CDH13: variants seen among roughly 807,000 people sequenced by gnomAD.
CDH13 encodes the protein cadherin 13.
In CDH13, 24 loss-of-function variants were observed where a neutral mutation model predicts 63.8. The ratio of observed to expected loss-of-function variants is 0.38; its 90% confidence interval spans 0.27 to 0.53. The LOEUF (loss-of-function observed/expected upper bound fraction) is 0.53. Ranked by LOEUF, CDH13 falls within the 20% of genes least tolerant of loss-of-function variation. The probability of loss-of-function intolerance (pLI) is 0.85; values close to 1 mark genes in which losing one functional copy is unlikely to be tolerated. For synonymous variants in CDH13, 503 were observed against 355.3 expected, an observed-to-expected ratio of 1.42 and a Z score of -4.67; for missense variants, 1,049 against 903.1, an observed-to-expected ratio of 1.16 and a Z score of -2.07.
intron 3 of CDH13, among the ~76,000 whole-genome samples, chr16:83,098,261 C>A (rs55922145): frequency 0.49 from 74,391 of 152,144 alleles, 18,456 homozygotes; most frequent in East Asian, 0.69. Flanking sequence ...GGTATAAGAA[C>A]CTTACAGTAA....
At chr16:83,247,082 C>T (rs1219677213) in intron 5 of CDH13, among the ~76,000 whole-genome samples, 1 of 152,170 alleles carries the variant, frequency 6.6e-6, no homozygotes, top group Non-Finnish European at 1.5e-5. Context: ...CAAGTACCTA[C>T]CTCTAAACAG....
intron 9 of CDH13, among the ~76,000 whole-genome samples, chr16:83,672,637 C>G (rs1914613058): frequency 6.6e-6 from 1 of 151,974 alleles, no homozygotes; most frequent in East Asian, 1.9e-4. Context: ...GTTGGCCAGG[C>G]TGGTCTTGAA....
intron 2 of CDH13, among the ~76,000 whole-genome samples, chr16:82,894,670 A>G (rs150366026): frequency 6.9e-6 from 1 of 145,650 alleles, no homozygotes; most frequent in Non-Finnish European, 1.5e-5. Context: ...AAACAATAAT[A>G]TAATTCAGGT....
intron 7 of CDH13, among the ~76,000 whole-genome samples, chr16:83,597,763 G>A (rs1296508095): frequency 2.6e-5 from 4 of 152,064 alleles, no homozygotes; most frequent in Non-Finnish European, 5.9e-5. Flanking sequence ...CATTATAGGT[G>A]CAAAGTTTTA....
intron 11 of CDH13, among the ~76,000 whole-genome samples, chr16:83,769,786 G>A (rs146937400): frequency 2.0e-4 from 31 of 152,308 alleles, no homozygotes; most frequent in African/African-American, 7.0e-4. Flanking sequence ...ACTGGGGCAC[G>A]TAGATGACCT....
intron 5 of CDH13, among the ~76,000 whole-genome samples, chr16:83,309,258 G>A (rs2089947477): frequency 1.3e-5 from 2 of 152,274 alleles, no homozygotes; most frequent in East Asian, 3.9e-4. Flanking sequence ...ATTGAATTTG[G>A]GAGTACTGGG....
At chr16:82,825,450 C>G (rs1318645007) in intron 1 of CDH13, 2 of 151,854 alleles carry the variant, frequency 1.3e-5, no homozygotes, top group Non-Finnish European at 2.9e-5. Context: ...CAAAATGAAA[C>G]AAGAACTTCT....
At chr16:82,643,962 C>T (rs1351498574) in intron 1 of CDH13, among the ~76,000 whole-genome samples, 1 of 151,894 alleles carries the variant, frequency 6.6e-6, no homozygotes, top group Non-Finnish European at 1.5e-5. Context: ...GTTGCCCATG[C>T]TGGTCTCGAA....
chr16:82,783,793 A>C (rs1462184564), intron 1 of CDH13, among the ~76,000 whole-genome samples: 1 of 151,274 alleles, frequency 6.6e-6, no homozygotes, highest in Admixed American at 6.6e-5. Flanking sequence ...AAGGACAGAG[A>C]AAGAACAGAG....
rs77139767 is a variant in CDH13 at position 83,122,105 on chromosome 16, C to T, written c.367-3280C>T. 7.6e-3 allele frequency among the ~76,000 whole-genome samples: 1,152 copies of T among 152,234 alleles called. 10 individuals carry two copies. The highest frequency in any genetic ancestry group is 0.021 in the African/African-American group (861 of 41,540). Reference sequence around the variant, plus strand: ...TGCTTGCTTCTGATGATGCAGAAGACAGTTTTAATTAGTATGTGGCATTAA... The same window carrying T: ...TGCTTGCTTCTGATGATGCAGAAGATAGTTTTAATTAGTATGTGGCATTAA... On this transcript the variant is annotated intron_variant, in intron 3 of 13. Transcript: ENST00000567109.
At chr16:83,343,808 T>G (rs1301733942) in intron 5 of CDH13, among the ~76,000 whole-genome samples, 1 of 152,214 alleles carries the variant, frequency 6.6e-6, no homozygotes, top group African/African-American at 2.4e-5. Flanking sequence ...AAATCTGGAC[T>G]CCACCATTTA....
At chr16:83,486,688 G>A (rs759934550) in intron 7 of CDH13, 33 bp downstream of exon 7, 113 of 1,601,130 alleles carry the variant, frequency 7.1e-5, no homozygotes, top group Admixed American at 8.3e-5. Context: ...TCTTTTTCAC[G>A]AGAATAGAAT....
In CDH13 at chr16:82,870,877, C is replaced by G. The variant is rs141021023; in HGVS notation, c.157+12404C>G. Among the ~76,000 whole-genome samples the G allele has an allele frequency of 6.4e-4, 97 of 152,302 alleles. 1 individual carries two copies. The highest frequency in any genetic ancestry group is 2.1e-3 in the African/African-American group (86 of 41,570). On this transcript the variant is annotated intron_variant, in intron 2 of 13. Transcript: ENST00000567109. ...CTGAAATATTAGCTGTCAGAAACAG[C>G]ATAGGGATGATTGTAGCTGAAAGCT...
At chr16:82,638,459 A>G (rs971665019) in intron 1 of CDH13, among the ~76,000 whole-genome samples, 3 of 152,122 alleles carry the variant, frequency 2.0e-5, no homozygotes, top group African/African-American at 7.2e-5. Context: ...GCCCTGCAGG[A>G]TTTTTGTGAG....
In CDH13 at chr16:82,736,717, C is replaced by A. The variant is rs541521309; in HGVS notation, c.45+109580C>A. ...ATAAATTTTTAGAAAAATCAGGCTA[C>A]ACAGTCACTCTCTCCACCTTCTTAG... is the stretch of plus-strand genomic sequence containing the variant. On this transcript the variant is annotated intron_variant, in intron 1 of 13. Coordinates refer to ENST00000567109, the MANE Select transcript of CDH13 (RefSeq NM_001257.5). 8.5e-5 allele frequency among the ~76,000 whole-genome samples: 13 copies of A among 152,298 alleles called. No homozygotes were observed. The South Asian group carries it at 2.7e-3, about 32-fold the overall frequency.
rs773340030 is a variant in CDH13 at position 82,915,684 on chromosome 16, AG to A, written c.157+57215del. Among the ~76,000 whole-genome samples, 74 of 152,018 alleles carry A rather than the reference AG, an allele frequency of 4.9e-4. 1 individual carries two copies. The Middle Eastern group carries it at 0.01, about 21-fold the overall frequency. On this transcript the variant is annotated intron_variant, in intron 2 of 13. Transcript: ENST00000567109. Reference sequence around the variant, plus strand: ...GCCTGCTGCAGGTGACGTTTGTGAAAGGGGTCCTGTGAGTTTTGATGATTGT... The same window carrying A: ...GCCTGCTGCAGGTGACGTTTGTGAAAGGGTCCTGTGAGTTTTGATGATTGT...
At chr16:83,020,967 AC>A (rs1476974027) in intron 2 of CDH13, among the ~76,000 whole-genome samples, 2 of 152,146 alleles carry the variant, frequency 1.3e-5, no homozygotes, top group East Asian at 3.9e-4. Context: ...ACATTAATTT[AC>A]CCTTGAGATG....
At chr16:83,303,584 A>T (rs74031990) in intron 5 of CDH13, among the ~76,000 whole-genome samples, 19,108 of 152,098 alleles carry the variant, frequency 0.13, 1,332 homozygotes, top group African/African-American at 0.16. Context: ...TAATGAAGTT[A>T]CAGGGAGGGG....
At chr16:83,133,803 G>A (rs2036159928) in intron 4 of CDH13, among the ~76,000 whole-genome samples, 1 of 152,130 alleles carries the variant, frequency 6.6e-6, no homozygotes, top group Non-Finnish European at 1.5e-5. Flanking sequence ...CCGGCCCATG[G>A]AATTTTACTT....
Sources: gnomAD v4.1 joint callset for allele counts (sites outside exome capture counted in the v4.1 genomes callset) on GRCh38, gnomAD v4.1.1 for gene constraint, MANE v1.5 for transcripts, NCBI Gene and HGNC (gene_info 2026-07-23, HGNC 2026-07-21) for gene names.